Variants in CLDN10 observed in about 807,000 individuals in gnomAD.
The protein encoded by CLDN10 is claudin 10.
Under a neutral mutation model 22.9 loss-of-function variants are expected in CLDN10, and 15 were observed. The ratio of observed to expected loss-of-function variants is 0.65; its 90% CI spans 0.44 to 1.01. The LOEUF is 1.01. Ranked by LOEUF, CLDN10 falls within the 50% of genes least tolerant of loss-of-function variation. The pLI is 0.00. For synonymous variants in CLDN10, 114 were observed against 111.4 expected (o/e 1.02, Z -0.15); for missense variants, 247 against 287.8 (o/e 0.86, Z 1.03).
intron 1 of CLDN10, among the ~76,000 whole-genome samples, chr13:95,443,326 A>C (rs140900669): frequency 7.9e-5 from 12 of 152,254 alleles, no homozygotes; most frequent in African/African-American, 2.9e-4. Flanking sequence ...ACATGCTTCA[A>C]AAGCTGGTGG....
At position 95,578,621 on chromosome 13, in the gene CLDN10, T is replaced by C. The variant is rs1311939737; in HGVS notation, c.*607T>C. 3 of 152,332 alleles carry C rather than the reference T, an allele frequency of 2.0e-5. No homozygotes were observed. The highest frequency in any genetic ancestry group is 7.2e-5 in the African/African-American group (3 of 41,566). 9.4% of individuals were successfully genotyped at this position (152,332 alleles called of 1,614,324 possible). ...AGAGGATCTTGCTCATTCATGGCCA[T>C]ATCCACATGCCCATGGCCACTCAGT... On this transcript the variant is annotated 3_prime_UTR_variant, in exon 5 of 5. Transcript: ENST00000299339.
chr13:95,535,459 G>A (rs1045516880), intron 1 of CLDN10, among the ~76,000 whole-genome samples: 31 of 150,756 alleles, frequency 2.1e-4, no homozygotes, highest in African/African-American at 7.1e-4. Flanking sequence ...ACAGAGGGAA[G>A]AGCGCCATCC....
intron 1 of CLDN10, among the ~76,000 whole-genome samples, chr13:95,502,932 T>G (rs1370769787): frequency 6.6e-6 from 1 of 152,236 alleles, no homozygotes; most frequent in Non-Finnish European, 1.5e-5. Flanking sequence ...TCTCTTCTGA[T>G]GGACACATTT....
intron 3 of CLDN10, among the ~76,000 whole-genome samples, chr13:95,562,743 G>A (rs1017020759): frequency 2.0e-5 from 3 of 152,106 alleles, no homozygotes; most frequent in East Asian, 1.9e-4. Context: ...TCACTCTTCC[G>A]CATTATCTTT....
At chr13:95,515,151 A>C (rs866406865) in intron 1 of CLDN10, among the ~76,000 whole-genome samples, 1 of 151,570 alleles carries the variant, frequency 6.6e-6, no homozygotes, top group South Asian at 2.1e-4. Context: ...GACTAGAGGC[A>C]CTCAACCCAC....
intron 1 of CLDN10, among the ~76,000 whole-genome samples, chr13:95,516,151 T>C (rs559900833): frequency 7.2e-5 from 11 of 152,184 alleles, no homozygotes; most frequent in South Asian, 2.1e-4. Context: ...AGTAAATAAT[T>C]GCTATGAATA....
rs2043582844 is a variant in CLDN10 at position 95,552,798 on chromosome 13, C to T, written c.45C>T (p.Ile15=). Residue 15 remains isoleucine (I), a synonymous_variant, in exon 1 of 5, where the codon ATC becomes ATT. Coordinates refer to ENST00000299339, the MANE Select transcript of CLDN10 (RefSeq NM_006984.5). ...ASEIIAFMVS[I]SGWVLVSSTL... is the part of the protein sequence containing the mutation. ...AGATCATCGCCTTCATGGTCTCCAT[C>T]TCAGGCTGGGTACTGGTGTCCTCCA... The T allele has an allele frequency of 1.2e-6, 2 of 1,613,956 alleles. No individual in the cohort carries two copies. The highest frequency in any genetic ancestry group is 2.7e-5 in the African/African-American group (2 of 75,062).
chr13:95,504,288 T>TTCTGCAAGAAACATTAAGTCC (rs1186696520), intron 1 of CLDN10, among the ~76,000 whole-genome samples: 1 of 152,228 alleles, frequency 6.6e-6, no homozygotes, highest in African/African-American at 2.4e-5. Flanking sequence ...CATTTTTTAC[T>TTCTGCAAGAAACATTAAGTCC]TCTGCAAGAA....
chr13:95,530,360 G>A (rs897064886), intron 1 of CLDN10, among the ~76,000 whole-genome samples: 2 of 152,162 alleles, frequency 1.3e-5, no homozygotes, highest in Non-Finnish European at 2.9e-5. Context: ...GGCATGAGAC[G>A]AAGACTCATG....
At chr13:95,478,263 G>A (rs529047233) in intron 1 of CLDN10, among the ~76,000 whole-genome samples, 2 of 152,282 alleles carry the variant, frequency 1.3e-5, no homozygotes, top group East Asian at 1.9e-4. Context: ...AGCCAAGATC[G>A]CACCACTGCA....
At chr13:95,451,353 GC>G (rs1419370296) in intron 1 of CLDN10, among the ~76,000 whole-genome samples, 1 of 152,148 alleles carries the variant, frequency 6.6e-6, no homozygotes, top group Non-Finnish European at 1.5e-5. Flanking sequence ...CACCTCCAAT[GC>G]CATTTGTTAT....
intron 1 of CLDN10, among the ~76,000 whole-genome samples, chr13:95,496,725 C>G (rs959623772): frequency 6.6e-6 from 1 of 152,214 alleles, no homozygotes; most frequent in Non-Finnish European, 1.5e-5. Context: ...CACGGGGGCC[C>G]CACCCTCATG....
intron 3 of CLDN10, among the ~76,000 whole-genome samples, chr13:95,575,434 TA>T (rs896512798): frequency 6.6e-6 from 1 of 152,164 alleles, no homozygotes; most frequent in African/African-American, 2.4e-5. Context: ...ATAATCTCAT[TA>T]AAACAACATA....
At chr13:95,547,715 C>T (rs1467529747) in intron 1 of CLDN10, among the ~76,000 whole-genome samples, 7 of 152,262 alleles carry the variant, frequency 4.6e-5, no homozygotes, top group Admixed American at 3.9e-4. Flanking sequence ...ACCCTCTGTC[C>T]GCTATATCTC....
At position 95,542,473 on chromosome 13, in the gene CLDN10, C is replaced by A. The variant is rs558264845; in HGVS notation, c.215-17659C>A. On this transcript the variant is annotated intron_variant, in intron 1 of 4. Coordinates refer to the CLDN10 transcript ENST00000376873. Reference sequence around the variant, plus strand: ...CGGTTCATCTTTGGCCCAGTTTGGCCAGAAATAAAATACTGCACTGGAAAT... The same window carrying A: ...CGGTTCATCTTTGGCCCAGTTTGGCAAGAAATAAAATACTGCACTGGAAAT... Among the ~76,000 whole-genome samples the A allele has an allele frequency of 1.4e-4, 21 of 152,238 alleles. 1 individual carries two copies. The highest frequency in any genetic ancestry group is 3.9e-4 in the Admixed American group (6 of 15,296).
At chr13:95,433,844 C>G (rs759786238) in exon 1 of CLDN10, 3 of 1,614,014 alleles carry the variant, frequency 1.9e-6, no homozygotes, top group Non-Finnish European at 1.7e-6. Context: ...ATGTCCAGGG[C>G]GCAGATCTGG....
At chr13:95,559,193 G>A (rs1233676909) in intron 1 of CLDN10, among the ~76,000 whole-genome samples, 3 of 152,084 alleles carry the variant, frequency 2.0e-5, no homozygotes, top group South Asian at 2.1e-4. Context: ...ATTTTAGATC[G>A]AAATATGGCA....
rs933614586 is a variant in CLDN10, at chr13:95,483,832, C to T, written c.214+49785C>T. On this transcript the variant is annotated intron_variant, in intron 1 of 4. Transcript: ENST00000376873. ...TATGGTCTGAATATTTGTGTCCCTCCAAAACTCGTATGTTAAAATGCTAAC... is the reference window on the plus strand; with the variant it reads ...TATGGTCTGAATATTTGTGTCCCTCTAAAACTCGTATGTTAAAATGCTAAC... 5.3e-5 allele frequency among the ~76,000 whole-genome samples: 8 copies of T among 152,240 alleles called. 1 individual carries two copies. Among genetic ancestry groups the T allele is most frequent in the Admixed American group, 2.6e-4 (4 of 15,290 alleles).
At chr13:95,514,001 T>C (rs1389938566) in intron 1 of CLDN10, among the ~76,000 whole-genome samples, 2 of 152,216 alleles carry the variant, frequency 1.3e-5, no homozygotes, top group Non-Finnish European at 2.9e-5. Flanking sequence ...CTCATGCCTA[T>C]AATCCCAGCA....
Sources: gnomAD v4.1 joint callset for allele counts (sites outside exome capture counted in the v4.1 genomes callset) on GRCh38, gnomAD v4.1.1 for gene constraint, MANE v1.5 for transcripts, NCBI Gene and HGNC (gene_info 2026-07-23, HGNC 2026-07-21) for gene names.